The following CTNNA3 variants were observed in gnomAD, a reference collection of about 807,000 sequenced individuals.
CTNNA3 encodes the protein catenin alpha-3.
In CTNNA3, 76 loss-of-function variants were observed where a neutral mutation model predicts 95.7. The ratio of observed to expected loss-of-function variants is 0.79; its 90% CI spans 0.66 to 0.96. CTNNA3 has a LOEUF of 0.96. CTNNA3 is among the 40% of genes least tolerant of loss of function. The pLI is 0.00. For synonymous variants in CTNNA3, 431 were observed against 374.4 expected, an observed-to-expected ratio of 1.15 and a Z score of -1.74; for missense variants, 1,191 against 1,089.8, an observed-to-expected ratio of 1.09 and a Z score of -1.31.
At position 67,072,433 on chromosome 10, in the gene CTNNA3, T is replaced by A. The variant is rs145431284; in HGVS notation, c.1047+107884A>T. On this transcript the variant is annotated intron_variant, in intron 7 of 17. Transcript: ENST00000433211. ...TCATGTAGTTTCACCTATTTGTATG[T>A]CTACGTACTCTTTTATTGTATGATA... Among the ~76,000 whole-genome samples, 914 of 152,366 alleles carry A rather than the reference T, an allele frequency of 6.0e-3. 8 individuals are homozygous for A. The highest frequency in any genetic ancestry group is 0.021 in the African/African-American group (857 of 41,594).
At chr10:66,243,953 C>T (rs1163695359) in intron 13 of CTNNA3, among the ~76,000 whole-genome samples, 1 of 152,082 alleles carries the variant, frequency 6.6e-6, no homozygotes, top group East Asian at 1.9e-4. Flanking sequence ...CTCTCGAGGT[C>T]CCCAATACAA....
intron 4 of CTNNA3, among the ~76,000 whole-genome samples, chr10:67,534,805 A>G (rs1211504255): frequency 6.6e-6 from 1 of 152,106 alleles, no homozygotes; most frequent in Non-Finnish European, 1.5e-5. Context: ...GACAGAGTTG[A>G]CCCTGAAAAT....
chr10:67,371,484 G>GT (rs1843463204), intron 5 of CTNNA3, among the ~76,000 whole-genome samples: 1 of 150,628 alleles, frequency 6.6e-6, no homozygotes. Flanking sequence ...GTGGTGTTTG[G>GT]TTTTTTGTCC....
chr10:67,232,852 G>A (rs1448304573), intron 5 of CTNNA3, among the ~76,000 whole-genome samples: 5 of 151,830 alleles, frequency 3.3e-5, no homozygotes, highest in African/African-American at 1.2e-4. Flanking sequence ...AAAGGCAGGG[G>A]TTGCAATCCT....
intron 2 of CTNNA3, among the ~76,000 whole-genome samples, chr10:67,624,489 C>T (rs1381093852): frequency 6.6e-6 from 1 of 152,162 alleles, no homozygotes; most frequent in East Asian, 1.9e-4. Flanking sequence ...CTTCTGTACC[C>T]GTTGGGTTAT....
At chr10:67,127,748 T>C (rs1453792165) in intron 7 of CTNNA3, among the ~76,000 whole-genome samples, 1 of 152,170 alleles carries the variant, frequency 6.6e-6, no homozygotes, top group African/African-American at 2.4e-5. Flanking sequence ...TCACCCTCAC[T>C]CATTTTTTAC....
intron 7 of CTNNA3, among the ~76,000 whole-genome samples, chr10:67,131,640 G>C (rs533013108): frequency 5.3e-5 from 8 of 152,024 alleles, no homozygotes; most frequent in African/African-American, 1.7e-4. Flanking sequence ...GTCATTTTTT[G>C]TGTGTTATCA....
chr10:66,106,923 A>C (rs1411628146), intron 13 of CTNNA3, among the ~76,000 whole-genome samples: 2 of 94,308 alleles, frequency 2.1e-5, no homozygotes, highest in African/African-American at 8.4e-5. Context: ...CTCTAGTTAC[A>C]GTTACCTGAG....
intron 12 of CTNNA3, among the ~76,000 whole-genome samples, chr10:66,310,340 G>A (rs192138630): frequency 6.6e-6 from 1 of 152,158 alleles, no homozygotes; most frequent in African/African-American, 2.4e-5. Context: ...AGCCCACAGA[G>A]GTTGATTTAT....
At chr10:67,407,617 A>C (rs758844516) in intron 5 of CTNNA3, among the ~76,000 whole-genome samples, 2 of 152,232 alleles carry the variant, frequency 1.3e-5, no homozygotes, top group East Asian at 3.8e-4. Context: ...GAAAGGAAGA[A>C]GTCAAACTCT....
chr10:67,079,703 C>T (rs1041229010), intron 7 of CTNNA3, among the ~76,000 whole-genome samples: 3 of 151,942 alleles, frequency 2.0e-5, no homozygotes, highest in Non-Finnish European at 4.4e-5. Context: ...CAAAAACTAG[C>T]CAGGCGTGGT....
chr10:66,265,208 G>T lies in CTNNA3; in HGVS notation c.1884+15262C>A, dbSNP rs565318473. ...AAACCTATTATGGTTACTTGGTTGT[G>T]ATAACACCAAAAGTACACTGAATTT... On this transcript the variant is annotated intron_variant, in intron 13 of 17. Transcript: ENST00000433211. 9.2e-5 allele frequency among the ~76,000 whole-genome samples: 14 copies of T among 152,112 alleles called. 1 individual carries two copies. The East Asian group carries it at 2.7e-3, about 29-fold the overall frequency.
rs533536663 is a variant in CTNNA3, at chr10:66,210,645, C to T, written c.1884+69825G>A. Reference sequence around the variant, plus strand: ...GAAATTTAAATTTATGTTAACGTACCACTTAAAATTGCATTAAATAAAATA... The same window carrying T: ...GAAATTTAAATTTATGTTAACGTACTACTTAAAATTGCATTAAATAAAATA... On this transcript the variant is annotated intron_variant, in intron 13 of 17. Coordinates refer to ENST00000433211, the MANE Select transcript of CTNNA3 (RefSeq NM_013266.4). 3.4e-4 allele frequency among the ~76,000 whole-genome samples: 51 copies of T among 151,856 alleles called. No homozygotes were observed. The South Asian group carries it at 0.01, about 30-fold the overall frequency.
At chr10:66,185,627 A>T (rs1355490085) in intron 13 of CTNNA3, among the ~76,000 whole-genome samples, 1 of 152,116 alleles carries the variant, frequency 6.6e-6, no homozygotes, top group East Asian at 1.9e-4. Flanking sequence ...ATGTTACCAC[A>T]TTAGTGAATC....
chr10:67,228,665 A>G lies in CTNNA3; in HGVS notation c.580-8795T>C, dbSNP rs574904695. Among the ~76,000 whole-genome samples, 6 of 152,306 alleles carry G rather than the reference A, an allele frequency of 3.9e-5. No homozygotes were observed. In the East Asian group the frequency reaches 1.2e-3, roughly 29 times the overall value. ...ATATTACAACTGATACCACTGAAAT[A>G]CAAAAGATCATTCAAGGCTACTGTG... On this transcript the variant is annotated intron_variant, in intron 5 of 17. Transcript: ENST00000433211.
intron 11 of CTNNA3, among the ~76,000 whole-genome samples, chr10:66,488,267 A>G (rs1839807262): frequency 6.6e-6 from 1 of 152,214 alleles, no homozygotes; most frequent in East Asian, 1.9e-4. Flanking sequence ...TTACCTTTAT[A>G]GTTAGCGATA....
chr10:66,077,840 GC>G, intron 14 of CTNNA3, among the ~76,000 whole-genome samples: 1 of 151,732 alleles, frequency 6.6e-6, no homozygotes, highest in South Asian at 2.1e-4. Context: ...GAAGATCCAA[GC>G]CTTTATACTC....
chr10:66,765,547 T>C (rs1839813790), intron 9 of CTNNA3, among the ~76,000 whole-genome samples: 1 of 152,172 alleles, frequency 6.6e-6, no homozygotes, highest in African/African-American at 2.4e-5. Context: ...GTTTGTGGCC[T>C]TGTGAATACT....
In CTNNA3 at chr10:66,562,953, G is replaced by T. The variant is rs192319794; in HGVS notation, c.1375-42180C>A. Among the ~76,000 whole-genome samples the T allele has an allele frequency of 1.2e-4, 18 of 151,884 alleles. No homozygotes were observed. In the East Asian group the frequency reaches 3.5e-3, roughly 29 times the overall value. On this transcript the variant is annotated intron_variant, in intron 10 of 17. Coordinates refer to ENST00000433211, the MANE Select transcript of CTNNA3 (RefSeq NM_013266.4). Reference sequence around the variant, plus strand: ...TTCAGGAACATTAAAATAATTTTTCGTGAAAATATGTAATATAAGCCTGAC... The same window carrying T: ...TTCAGGAACATTAAAATAATTTTTCTTGAAAATATGTAATATAAGCCTGAC...
Sources: gnomAD v4.1 joint callset for allele counts (sites outside exome capture counted in the v4.1 genomes callset) on GRCh38, gnomAD v4.1.1 for gene constraint, MANE v1.5 for transcripts, NCBI Gene and HGNC (gene_info 2026-07-23, HGNC 2026-07-21) for gene names.